ITPR1: variants seen among roughly 807,000 people sequenced by gnomAD.
The protein encoded by ITPR1 is inositol 1,4,5-trisphosphate receptor type 1.
ITPR1 carries 96 observed loss-of-function variants against 318.4 expected under a neutral mutation model. The observed-to-expected ratio is 0.30, with a 90% CI of 0.26 to 0.36. The LOEUF is 0.36. Ranked by LOEUF, ITPR1 falls within the 10% of genes least tolerant of loss-of-function variation. The pLI is 1.00. For missense variants in ITPR1, 2,440 were observed against 3,460.2 expected (o/e 0.71, Z 7.40); for synonymous variants, 1,312 against 1,289.9 (o/e 1.02, Z -0.37).
intron 36 of ITPR1, among the ~76,000 whole-genome samples, chr3:4,703,385 C>G (rs1032087350): frequency 6.6e-6 from 1 of 152,184 alleles, no homozygotes; most frequent in Admixed American, 6.5e-5. Flanking sequence ...CTGCTCCCTT[C>G]TTCCCCTTGA....
chr3:4,808,402 G>A (rs929852160), intron 55 of ITPR1, among the ~76,000 whole-genome samples: 2 of 152,078 alleles, frequency 1.3e-5, no homozygotes, highest in Admixed American at 6.5e-5. Context: ...TTGCATCAGT[G>A]AAACTGGCAT....
chr3:4,831,009 TCTTTTGAAC>T (rs1324318155), intron 60 of ITPR1: 3 of 456,466 alleles, frequency 6.6e-6, no homozygotes, highest in Non-Finnish European at 4.4e-6. Context: ...AACAGCCTCT[TCTTTTGAAC>T]CTGGGAAGAA....
intron 13 of ITPR1, 111 bp from the exon 14 acceptor site, chr3:4,660,877 A>T (rs534610252): frequency 1.6e-5 from 9 of 557,104 alleles, no homozygotes. Flanking sequence ...CAGTGTATGC[A>T]GTAGGAAACC....
rs548728193 is a variant in ITPR1, at chr3:4,575,244, G to C, written c.164-52519G>C. Among the ~76,000 whole-genome samples, 7 of 152,288 alleles carry C rather than the reference G, an allele frequency of 4.6e-5. No homozygotes were observed. The South Asian group carries it at 1.4e-3, about 32-fold the overall frequency. On this transcript the variant is annotated intron_variant, in intron 4 of 61. Transcript: ENST00000649015. The stretch of plus-strand genomic sequence containing the variant: ...GTATTATGGGAGCACAAATAAAAGA[G>C]ATCACACTCATCTTTGGGGGAGGAT...
intron 4 of ITPR1, among the ~76,000 whole-genome samples, chr3:4,580,046 T>TA (rs2089145684): frequency 6.6e-6 from 1 of 152,016 alleles, no homozygotes. Flanking sequence ...CTGTCTCTAC[T>TA]AAAAATACAA....
intron 4 of ITPR1, among the ~76,000 whole-genome samples, chr3:4,525,115 G>A (rs2082876929): frequency 6.6e-6 from 1 of 152,034 alleles, no homozygotes; most frequent in African/African-American, 2.4e-5. Flanking sequence ...GTTTGTGGGT[G>A]GGGACGTGCA....
chr3:4,546,026 G>A (rs1286673807), intron 4 of ITPR1, among the ~76,000 whole-genome samples: 1 of 152,088 alleles, frequency 6.6e-6, no homozygotes. Flanking sequence ...GTCTTAATTT[G>A]CTCTTGAGTA....
chr3:4,719,629 C>T (rs903431326), intron 40 of ITPR1, among the ~76,000 whole-genome samples: 22 of 152,120 alleles, frequency 1.4e-4, no homozygotes, highest in Admixed American at 9.8e-4. Flanking sequence ...GGAAGGGACG[C>T]CATGCTTTGA....
chr3:4,589,109 G>A (rs2090168250), intron 4 of ITPR1, among the ~76,000 whole-genome samples: 1 of 152,126 alleles, frequency 6.6e-6, no homozygotes, highest in Non-Finnish European at 1.5e-5. Context: ...GGTTGCTTGA[G>A]CTCAGGAGTT....
At chr3:4,572,476 CTGAT>C (rs2088125572) in intron 4 of ITPR1, among the ~76,000 whole-genome samples, 1 of 152,114 alleles carries the variant, frequency 6.6e-6, no homozygotes, top group Admixed American at 6.5e-5. Context: ...TCATGTGACA[CTGAT>C]TAAGTAAACT....
intron 20 of ITPR1, 47 bp from the exon 21 acceptor site, chr3:4,673,089 G>C: frequency 2.5e-6 from 4 of 1,574,974 alleles, no homozygotes; most frequent in Non-Finnish European, 3.5e-6. Context: ...CATTCATCCT[G>C]AATGATTTCT....
chr3:4,578,861 G>A (rs2088977901), intron 4 of ITPR1, among the ~76,000 whole-genome samples: 1 of 152,188 alleles, frequency 6.6e-6, no homozygotes, highest in Admixed American at 6.5e-5. Context: ...TAGACACATA[G>A]CAAACGAAGT....
chr3:4,581,685 T>C (rs1015763955), intron 4 of ITPR1, among the ~76,000 whole-genome samples: 34 of 152,198 alleles, frequency 2.2e-4, no homozygotes, highest in African/African-American at 8.0e-4. Context: ...CAAAAATGAC[T>C]GTAGGGGGAA....
At chr3:4,694,056 C>T (rs927050270) in intron 33 of ITPR1, among the ~76,000 whole-genome samples, 13 of 151,932 alleles carry the variant, frequency 8.6e-5, no homozygotes, top group African/African-American at 2.7e-4. Flanking sequence ...AGAAATGTGA[C>T]GAAGAGTAGG....
intron 42 of ITPR1, 127 bp downstream of exon 42, chr3:4,727,300 G>A: frequency 1.6e-6 from 1 of 637,578 alleles, no homozygotes; most frequent in Non-Finnish European, 2.6e-6. Context: ...ATTGACTCAA[G>A]AGCAATCACA....
chr3:4,609,325 CTG>C (rs1464528586), intron 4 of ITPR1, among the ~76,000 whole-genome samples: 4 of 151,518 alleles, frequency 2.6e-5, no homozygotes, highest in South Asian at 4.2e-4. Context: ...TGGTGGTAGG[CTG>C]TGTTTGCTAG....
intron 49 of ITPR1, among the ~76,000 whole-genome samples, chr3:4,781,164 G>C (rs1004170025): frequency 6.6e-6 from 1 of 152,194 alleles, no homozygotes; most frequent in South Asian, 2.1e-4. Flanking sequence ...TGTCTCCACC[G>C]TTACTTCCAG....
At chr3:4,833,376 T>C (rs889932001) in intron 60 of ITPR1, among the ~76,000 whole-genome samples, 4 of 152,264 alleles carry the variant, frequency 2.6e-5, no homozygotes, top group Admixed American at 6.5e-5. Context: ...GCCTCATTAA[T>C]GTGGACTCTG....
chr3:4,568,626 C>G (rs1032897476), intron 4 of ITPR1, among the ~76,000 whole-genome samples: 2 of 152,230 alleles, frequency 1.3e-5, no homozygotes, highest in Non-Finnish European at 2.9e-5. Flanking sequence ...GACAGAGGCA[C>G]TCCAGCAAAG....
Sources: gnomAD v4.1 joint callset for allele counts (sites outside exome capture counted in the v4.1 genomes callset) on GRCh38, gnomAD v4.1.1 for gene constraint, MANE v1.5 for transcripts, NCBI Gene and HGNC (gene_info 2026-07-23, HGNC 2026-07-21) for gene names.